Variants in AIF1 observed in about 807,000 individuals in gnomAD.
AIF1 encodes allograft inflammatory factor 1, also known as interferon gamma responsive transcript.
In AIF1, 21 loss-of-function variants were observed where a neutral mutation model predicts 20.6. That is an observed-to-expected ratio of 1.02 (90% CI 0.72 to 1.47). AIF1 has a LOEUF of 1.47. Among genes scored for constraint, AIF1 ranks in the 40% most tolerant of loss-of-function variants. The pLI is 0.00. For synonymous variants in AIF1, 52 were observed against 65.8 expected (o/e 0.79, Z 1.01); for missense variants, 161 against 170.5 (o/e 0.94, Z 0.31).
At position 31,616,073 on chromosome 6, in the gene AIF1, C is replaced by T. The variant is rs758048415; in HGVS notation, c.155-31C>T. 6.5e-7 allele frequency: 1 copy of T among 1,549,088 alleles called. No homozygotes were observed. Among genetic ancestry groups the T allele is most frequent in the Non-Finnish European group, 8.7e-7 (1 of 1,147,468 alleles). On this transcript the variant is annotated intron_variant, in intron 3 of 5. Coordinates refer to ENST00000376059, the MANE Select transcript of AIF1 (RefSeq NM_001623.5). This position sits in a 1 kb window ranked among gnomAD's most constrained non-coding sequence, Gnocchi z 4.0. ...CCTGCTGAAAACCCTCCAGTCAGCG[C>T]TTATCCCTTCTGCTCTCTCCCCTCA...
In AIF1 at chr6:31,616,862, G is replaced by A. The variant is rs746520732; in HGVS notation, c.406G>A (p.Gly136Ser). 1 of 1,614,152 alleles carries A rather than the reference G, an allele frequency of 6.2e-7. No homozygotes were observed. Among genetic ancestry groups the A allele is most frequent in the South Asian group, 1.1e-5 (1 of 91,084 alleles). Residue 136 changes from glycine to serine, a missense_variant, in exon 6 of 6, where the codon GGC (glycine) becomes AGC (serine). Coordinates refer to ENST00000376059, the MANE Select transcript of AIF1 (RefSeq NM_001623.5). This position sits in a 1 kb window ranked among gnomAD's most constrained non-coding sequence, Gnocchi z 4.0. ...EKAREKEKPT[G>S]PPAKKAISEL... ...AGCGAGAGAAAAGGAAAAGCCAACA[G>A]GCCCCCCAGCCAAGAAAGCTATCTC... is the stretch of plus-strand genomic sequence containing the variant.
In AIF1 at chr6:31,615,273, C is replaced by T. The variant is rs1235452157; in HGVS notation, c.-57C>T. ...ACTGGTGGGAGAGAAGGAGAGCCTGCAGACAGAGGCCTCCAGCTTGGTCTG... is the reference window on the plus strand; with the variant it reads ...ACTGGTGGGAGAGAAGGAGAGCCTGTAGACAGAGGCCTCCAGCTTGGTCTG... On this transcript the variant is annotated 5_prime_UTR_variant, in exon 1 of 6. Transcript: ENST00000376059. 1 of 1,609,844 alleles carries T rather than the reference C, an allele frequency of 6.2e-7. No homozygotes were observed. Among genetic ancestry groups the T allele is most frequent in the East Asian group, 2.2e-5 (1 of 44,664 alleles).
chr6:31,616,282 G>A lies in AIF1; in HGVS notation c.197-62G>A, dbSNP rs1774352128. 1 of 1,612,964 alleles carries A rather than the reference G, an allele frequency of 6.2e-7. No individual in the cohort carries two copies. On this transcript the variant is annotated intron_variant, in intron 4 of 5. Transcript: ENST00000376059. This position sits in a 1 kb window ranked among gnomAD's most constrained non-coding sequence, Gnocchi z 4.0. The stretch of plus-strand genomic sequence containing the variant: ...TGGGAGGAAGGAGAATGGGGATGCG[G>A]AAGTGGGAGAGGAGAGAGAGGGTCT...
In AIF1 at chr6:31,615,322, G is replaced by T; in HGVS notation, c.-8G>T. 6.2e-7 allele frequency: 1 copy of T among 1,613,874 alleles called. No individual in the cohort carries two copies. The highest frequency in any genetic ancestry group is 8.5e-7 in the Non-Finnish European group (1 of 1,179,946). Reference sequence around the variant, plus strand: ...TGTCTCCCCACCTCTACCAGCATCTGCTGAGCTATGAGCCAAACCAGGGAT... The same window carrying T: ...TGTCTCCCCACCTCTACCAGCATCTTCTGAGCTATGAGCCAAACCAGGGAT... On this transcript the variant is annotated 5_prime_UTR_variant, in exon 1 of 6. Transcript: ENST00000376059.
chr6:31,616,849 G>C lies in AIF1; in HGVS notation c.393G>C (p.Lys131Asn), dbSNP rs1774425337. Residue 131 changes from lysine to asparagine, a missense_variant, in exon 6 of 6, where the codon AAG becomes AAC. Transcript: ENST00000376059. The surrounding 1 kb of genome is among the most constrained non-coding windows in gnomAD (Gnocchi z 4.0). ...TGTATGAGGAAAAAGCGAGAGAAAA[G>C]GAAAAGCCAACAGGCCCCCCAGCCA... is the stretch of plus-strand genomic sequence containing the variant. ...ILMYEEKARE[K>N]EKPTGPPAKK... 7 of 1,614,060 alleles carry C rather than the reference G, an allele frequency of 4.3e-6. No homozygotes were observed. Among genetic ancestry groups the C allele is most frequent in the Non-Finnish European group, 5.9e-6 (7 of 1,180,042 alleles).
At position 31,615,736 on chromosome 6, in the gene AIF1, G is replaced by C; in HGVS notation, c.154G>C (p.Glu52Gln). The C allele has an allele frequency of 6.2e-7, 1 of 1,607,230 alleles. No individual in the cohort carries two copies. Among genetic ancestry groups the C allele is most frequent in the South Asian group, 1.1e-5 (1 of 90,184 alleles). Residue 52 changes from glutamate to glutamine, a missense_variant and splice_region_variant, in exon 3 of 6, where the codon GAG (glutamate) becomes CAG (glutamine). Transcript: ENST00000376059. ...DLPSKLEGFKEKYMEFDLNGN... is the reference protein window; with the variant it reads ...DLPSKLEGFKQKYMEFDLNGN... ...GCCCTCCAAACTGGAAGGCTTCAAA[G>C]GTGAGGGGGAAACTGTAGGCGGTGG...
chr6:31,615,811 G>GAA (rs1396258676), intron 3 of AIF1, 75 bp downstream of exon 3: 1 of 1,550,368 alleles, frequency 6.5e-7, no homozygotes, highest in East Asian at 2.4e-5. Context: ...AACAAGGCAG[G>GAA]AACAGCAGAG....
At position 31,616,804 on chromosome 6, in the gene AIF1, C is replaced by T; in HGVS notation, c.360-12C>T. 1 of 1,614,056 alleles carries T rather than the reference C, an allele frequency of 6.2e-7. No individual in the cohort carries two copies. Among genetic ancestry groups the T allele is most frequent in the Non-Finnish European group, 8.5e-7 (1 of 1,179,972 alleles). ...GTTCCCTGATCCCTGTGCCTCTTCCCATCTCAACCAGGATCCTGATGTATG... is the reference window on the plus strand; with the variant it reads ...GTTCCCTGATCCCTGTGCCTCTTCCTATCTCAACCAGGATCCTGATGTATG... On this transcript the variant is annotated splice_polypyrimidine_tract_variant and intron_variant, in intron 5 of 5. Transcript: ENST00000376059. The surrounding 1 kb of genome is among the most constrained non-coding windows in gnomAD (Gnocchi z 4.0).
chr6:31,615,739 G>A lies in AIF1; in HGVS notation c.154+3G>A, dbSNP rs1320900483. ...CTCCAAACTGGAAGGCTTCAAAGGT[G>A]AGGGGGAAACTGTAGGCGGTGGAGA... is the stretch of plus-strand genomic sequence containing the variant. On this transcript the variant is annotated splice_donor_region_variant and intron_variant, in intron 3 of 5. Coordinates refer to ENST00000376059, the MANE Select transcript of AIF1 (RefSeq NM_001623.5). 3.7e-6 allele frequency: 6 copies of A among 1,606,578 alleles called. No individual in the cohort carries two copies. Among genetic ancestry groups the A allele is most frequent in the Non-Finnish European group, 5.1e-6 (6 of 1,176,296 alleles).
At position 31,616,672 on chromosome 6, in the gene AIF1, C is replaced by G; in HGVS notation, c.360-144C>G. The G allele has an allele frequency of 6.7e-7, 1 of 1,502,058 alleles. No individual in the cohort carries two copies. The highest frequency in any genetic ancestry group is 1.3e-5 in the South Asian group (1 of 74,864). The allele number at this position is 1,502,058 out of a possible 1,614,324, so 93.0% of individuals were successfully genotyped here. ...CCCCATCCCTATCCATAGTCCTGGT[C>G]CCCAGAAACTCCAACCCCTGCCCTT... On this transcript the variant is annotated intron_variant, in intron 5 of 5. Coordinates refer to ENST00000376059, the MANE Select transcript of AIF1 (RefSeq NM_001623.5). This position sits in a 1 kb window ranked among gnomAD's most constrained non-coding sequence, Gnocchi z 4.0.
Position 31,616,388 on chromosome 6 carries a change from A to G in AIF1, c.241A>G (p.Lys81Glu), listed in dbSNP as rs146545719. ...KRMLEKLGVP[K>E]THLELKKLIG... Reference sequence around the variant, plus strand: ...AATGCTGGAGAAACTTGGAGTCCCCAAGACTCACCTAGAGCTAAAGAAATT... The same window carrying G: ...AATGCTGGAGAAACTTGGAGTCCCCGAGACTCACCTAGAGCTAAAGAAATT... The change falls in exon 5 of 6, where the codon AAG (lysine) becomes GAG (glutamate). Residue 81 changes from lysine (K) to glutamate (E), a missense_variant. Coordinates refer to ENST00000376059, the MANE Select transcript of AIF1 (RefSeq NM_001623.5). The surrounding 1 kb of genome is among the most constrained non-coding windows in gnomAD (Gnocchi z 4.0). 6.2e-7 allele frequency: 1 copy of G among 1,612,784 alleles called. No individual in the cohort carries two copies. The highest frequency in any genetic ancestry group is 8.5e-7 in the Non-Finnish European group (1 of 1,179,992).
chr6:31,616,694 C>G lies in AIF1; in HGVS notation c.360-122C>G, dbSNP rs1774406363. On this transcript the variant is annotated intron_variant, in intron 5 of 5. Coordinates refer to ENST00000376059, the MANE Select transcript of AIF1 (RefSeq NM_001623.5). This position sits in a 1 kb window ranked among gnomAD's most constrained non-coding sequence, Gnocchi z 4.0. ...GGTCCCCAGAAACTCCAACCCCTGC[C>G]CTTCCTCTTCCCCCTTCCACCCTCA... The G allele has an allele frequency of 6.5e-7, 1 of 1,529,440 alleles. No individual in the cohort carries two copies. The highest frequency in any genetic ancestry group is 8.8e-7 in the Non-Finnish European group (1 of 1,135,164). 94.7% of individuals were successfully genotyped at this position (1,529,440 alleles called of 1,614,324 possible). A position where few individuals can be genotyped will look rare whatever the true frequency, so the allele number is the denominator to read the frequency against.
Position 31,616,189 on chromosome 6 carries a change from TAAG to T in AIF1, c.196+49_196+51del, listed in dbSNP as rs1365261524. 4 of 1,613,066 alleles carry T rather than the reference TAAG, an allele frequency of 2.5e-6. No individual in the cohort carries two copies. The highest frequency in any genetic ancestry group is 1.3e-5 in the African/African-American group (1 of 74,924). On this transcript the variant is annotated intron_variant, in intron 4 of 5. Coordinates refer to ENST00000376059, the MANE Select transcript of AIF1 (RefSeq NM_001623.5). This position sits in a 1 kb window ranked among gnomAD's most constrained non-coding sequence, Gnocchi z 4.0. ...GCGGGGGCAGGGTGGTGTGCAGGCC[TAAG>T]AAGACAGAGGTCTCTCCTACATGCT...
At position 31,616,377 on chromosome 6, in the gene AIF1, T is replaced by C. The variant is rs1234749835; in HGVS notation, c.230T>C (p.Leu77Pro). 3.1e-6 allele frequency: 5 copies of C among 1,612,886 alleles called. No homozygotes were observed. The South Asian group carries it at 4.4e-5, about 14-fold the overall frequency. Residue 77 changes from leucine to proline, a missense_variant, in exon 5 of 6, where the codon CTT (leucine) becomes CCT (proline). By Grantham distance (98) the Leu-to-Pro change is moderately conservative. Transcript: ENST00000376059. This position sits in a 1 kb window ranked among gnomAD's most constrained non-coding sequence, Gnocchi z 4.0. ...TCCCTGAAACGAATGCTGGAGAAAC[T>C]TGGAGTCCCCAAGACTCACCTAGAG... is the stretch of plus-strand genomic sequence containing the variant. ...IMSLKRMLEK[L>P]GVPKTHLELK...
chr6:31,616,469 A>C lies in AIF1; in HGVS notation c.322A>C (p.Arg108=). 6.2e-7 allele frequency: 1 copy of C among 1,612,600 alleles called. No homozygotes were observed. The highest frequency in any genetic ancestry group is 8.5e-7 in the Non-Finnish European group (1 of 1,179,772). Residue 108 remains arginine (R), a synonymous_variant, in exon 5 of 6, where the codon AGG becomes CGG. Transcript: ENST00000376059. The surrounding 1 kb of genome is among the most constrained non-coding windows in gnomAD (Gnocchi z 4.0). ...GETFSYPDFL[R]MMLGKRSAIL... is the part of the protein sequence containing the mutation. ...GACGTTCAGCTACCCTGACTTTCTC[A>C]GGATGATGCTGGGCAAGAGATCTGC... is the stretch of plus-strand genomic sequence containing the variant.
chr6:31,616,949 G>A lies in AIF1; in HGVS notation c.*49G>A. ...GATTGAAGGGGCTTCTAATGACCCA[G>A]ATATGGAAACAGAAGACAAAATTGT... On this transcript the variant is annotated 3_prime_UTR_variant, in exon 6 of 6. Coordinates refer to ENST00000376059, the MANE Select transcript of AIF1 (RefSeq NM_001623.5). The surrounding 1 kb of genome is among the most constrained non-coding windows in gnomAD (Gnocchi z 4.0). 1 of 1,609,872 alleles carries A rather than the reference G, an allele frequency of 6.2e-7. No individual in the cohort carries two copies. The highest frequency in any genetic ancestry group is 8.5e-7 in the Non-Finnish European group (1 of 1,177,792).
chr6:31,616,725 C>A lies in AIF1; in HGVS notation c.360-91C>A, dbSNP rs935299604. On this transcript the variant is annotated intron_variant, in intron 5 of 5. Transcript: ENST00000376059. The surrounding 1 kb of genome is among the most constrained non-coding windows in gnomAD (Gnocchi z 4.0). ...TCTTCCCCCTTCCACCCTCACATCC[C>A]CATCCCCTTCTAGCCTTTCCTAGCA... 5.7e-6 allele frequency: 9 copies of A among 1,586,448 alleles called. No individual in the cohort carries two copies. In the Admixed American group the frequency reaches 1.3e-4, roughly 22 times the overall value.
chr6:31,615,373 G>A lies in AIF1; in HGVS notation c.25+19G>A. On this transcript the variant is annotated intron_variant, in intron 1 of 5. Coordinates refer to ENST00000376059, the MANE Select transcript of AIF1 (RefSeq NM_001623.5). ...TTACAGGGTAGGGAGGGTGGGATAG[G>A]CAGCGGCATTAGATCGGAGGAATGA... The A allele has an allele frequency of 6.2e-7, 1 of 1,612,112 alleles. No individual in the cohort carries two copies. Among genetic ancestry groups the A allele is most frequent in the Non-Finnish European group, 8.5e-7 (1 of 1,178,270 alleles).
At position 31,616,792 on chromosome 6, in the gene AIF1, T is replaced by C. The variant is rs1308945669; in HGVS notation, c.360-24T>C. On this transcript the variant is annotated intron_variant, in intron 5 of 5. Coordinates refer to ENST00000376059, the MANE Select transcript of AIF1 (RefSeq NM_001623.5). The surrounding 1 kb of genome is among the most constrained non-coding windows in gnomAD (Gnocchi z 4.0). ...CTTGAGAGGAGTGTTCCCTGATCCCTGTGCCTCTTCCCATCTCAACCAGGA... is the reference window on the plus strand; with the variant it reads ...CTTGAGAGGAGTGTTCCCTGATCCCCGTGCCTCTTCCCATCTCAACCAGGA... 3 of 1,613,854 alleles carry C rather than the reference T, an allele frequency of 1.9e-6. No individual in the cohort carries two copies. The highest frequency in any genetic ancestry group is 2.5e-6 in the Non-Finnish European group (3 of 1,179,964).
Sources: gnomAD v4.1 joint callset for allele counts on GRCh38, gnomAD v4.1.1 for gene constraint, Gnocchi (gnomAD v3.1) non-coding constraint, MANE v1.5 for transcripts, NCBI Gene and HGNC (gene_info 2026-07-23, HGNC 2026-07-21) for gene names.